The following MGAT5 variants were observed in gnomAD, a reference collection of about 807,000 sequenced individuals.
MGAT5 encodes alpha-1,6-mannosylglycoprotein 6-beta-N-acetylglucosaminyltransferase A.
In MGAT5, 30 loss-of-function variants were observed where a neutral mutation model predicts 94.3. That is an observed-to-expected ratio of 0.32 (90% CI 0.24 to 0.43). The LOEUF is 0.43. Ranked by LOEUF, MGAT5 falls within the 20% of genes least tolerant of loss-of-function variation. MGAT5 has a pLI of 1.00. For synonymous variants in MGAT5, 310 were observed against 322.9 expected (o/e 0.96, Z 0.43); for missense variants, 691 against 905.5 (o/e 0.76, Z 3.04).
chr2:134,274,306 T>C (rs9677418), intron 2 of MGAT5, among the ~76,000 whole-genome samples: 7,558 of 152,320 alleles, frequency 0.05, 387 homozygotes, highest in East Asian at 0.23. Context: ...TTTCTTCTTA[T>C]AGTTCTTCTT....
chr2:134,169,755 GA>G (rs1688121365), intron 1 of MGAT5, among the ~76,000 whole-genome samples: 1 of 151,974 alleles, frequency 6.6e-6, no homozygotes, highest in African/African-American at 2.4e-5. Flanking sequence ...AAGATTAGTT[GA>G]AAAAAAGGTT....
upstream of MGAT5, among the ~76,000 whole-genome samples, chr2:134,250,845 C>T (rs894171623): frequency 2.0e-5 from 3 of 152,142 alleles, no homozygotes; most frequent in African/African-American, 7.2e-5. Flanking sequence ...ATTTTTTGGC[C>T]ATCTCTTTGC....
At chr2:134,264,964 A>C (rs1416926991) in intron 1 of MGAT5, among the ~76,000 whole-genome samples, 4 of 152,204 alleles carry the variant, frequency 2.6e-5, no homozygotes, top group African/African-American at 7.2e-5. Context: ...TCTGTGCCAT[A>C]GTATCATGGC....
intron 1 of MGAT5, among the ~76,000 whole-genome samples, chr2:134,175,516 G>C (rs1305123400): frequency 6.6e-6 from 1 of 152,118 alleles, no homozygotes; most frequent in African/African-American, 2.4e-5. Context: ...TTTGTTGTTA[G>C]GTCACTGCCA....
At chr2:134,350,985 G>A (rs1573889501) in intron 9 of MGAT5, among the ~76,000 whole-genome samples, 1 of 152,056 alleles carries the variant, frequency 6.6e-6, no homozygotes, top group African/African-American at 2.4e-5. Context: ...CTACCTGAAG[G>A]TGACCCCTGT....
chr2:134,145,212 CTCTGTGTGTGTGTG>C (rs1444872635), intron 1 of MGAT5, among the ~76,000 whole-genome samples: 1 of 113,692 alleles, frequency 8.8e-6, no homozygotes, highest in Non-Finnish European at 1.8e-5. Flanking sequence ...GTGTCTCTCT[CTCTGTGTGTGTGTG>C]TGTGTGTGTG....
intron 8 of MGAT5, 136 bp from the exon 9 acceptor site, chr2:134,349,669 C>T: frequency 1.1e-6 from 1 of 952,098 alleles, no homozygotes; most frequent in East Asian, 2.5e-5. Flanking sequence ...TAAAACATCA[C>T]AATTCTTGTC....
chr2:134,123,874 C>T (rs533646307), intron 1 of MGAT5, among the ~76,000 whole-genome samples: 18 of 152,288 alleles, frequency 1.2e-4, no homozygotes, highest in Admixed American at 7.2e-4. Context: ...TTTTACCAGG[C>T]TGCCTTTAAA....
At chr2:134,422,158 G>GA (rs60327900) in intron 12 of MGAT5, among the ~76,000 whole-genome samples, 47,300 of 151,666 alleles carry the variant, frequency 0.31, 8,915 homozygotes, top group African/African-American at 0.52. Context: ...ACCCTTTGGG[G>GA]AAAAAAAAGA....
chr2:134,437,836 G>A (rs969134176), intron 14 of MGAT5, among the ~76,000 whole-genome samples: 4 of 152,074 alleles, frequency 2.6e-5, no homozygotes, highest in South Asian at 2.1e-4. Flanking sequence ...CAAACATGGC[G>A]AAACCCCGTC....
chr2:134,427,165 T>C (rs759227962), intron 13 of MGAT5, among the ~76,000 whole-genome samples: 1 of 152,198 alleles, frequency 6.6e-6, no homozygotes, highest in Admixed American at 6.5e-5. Flanking sequence ...GCTTCAATTA[T>C]AGAAGTTTTG....
intron 14 of MGAT5, among the ~76,000 whole-genome samples, chr2:134,433,833 CTTTTT>C (rs11307289): frequency 7.3e-6 from 1 of 137,620 alleles, no homozygotes; most frequent in African/African-American, 2.7e-5. Flanking sequence ...GTCCTACCAA[CTTTTT>C]TTTTTTTTTT....
At chr2:134,353,555 G>A (rs1679531184) in intron 9 of MGAT5, among the ~76,000 whole-genome samples, 1 of 152,216 alleles carries the variant, frequency 6.6e-6, no homozygotes, top group African/African-American at 2.4e-5. Flanking sequence ...AAAGTAAAGT[G>A]AAAGAATTCA....
At position 134,454,350 on chromosome 2, in the gene MGAT5, G is replaced by T. The variant is rs1686259292; in HGVS notation, c.*5503G>T. 2.0e-5 allele frequency: 3 copies of T among 152,228 alleles called. No individual in the cohort carries two copies. The South Asian group carries it at 6.2e-4, about 31-fold the overall frequency. The allele number at this position is 152,228 out of a possible 1,614,324, so 9.4% of individuals were successfully genotyped here. On this transcript the variant is annotated 3_prime_UTR_variant, in exon 16 of 16. Transcript: ENST00000281923. ...AAGTATTAATAGCATAATAGTTGAT[G>T]CCAAAGGAGATGGTGACGTCCCTTC...
At chr2:134,273,539 G>T (rs2105660864) in intron 2 of MGAT5, among the ~76,000 whole-genome samples, 1 of 152,082 alleles carries the variant, frequency 6.6e-6, no homozygotes, top group Middle Eastern at 3.4e-3. Flanking sequence ...ATATCTTCTG[G>T]TTGGCTATAA....
chr2:134,357,281 C>T (rs1334937201), intron 9 of MGAT5, among the ~76,000 whole-genome samples: 1 of 152,198 alleles, frequency 6.6e-6, no homozygotes, highest in Admixed American at 6.5e-5. Context: ...AGGGAACTTA[C>T]TCACATTTTT....
At chr2:134,164,299 T>C (rs1687866396) in intron 1 of MGAT5, among the ~76,000 whole-genome samples, 1 of 152,208 alleles carries the variant, frequency 6.6e-6, no homozygotes, top group African/African-American at 2.4e-5. Flanking sequence ...TTATTCCAAC[T>C]TTCAGTGAAG....
At position 134,451,883 on chromosome 2, in the gene MGAT5, A is replaced by G. The variant is rs1025295034; in HGVS notation, c.*3036A>G. 1 of 152,220 alleles carries G rather than the reference A, an allele frequency of 6.6e-6. No homozygotes were observed. The highest frequency in any genetic ancestry group is 2.4e-5 in the African/African-American group (1 of 41,470). The allele number at this position is 152,220 out of a possible 1,614,324, so 9.4% of individuals were successfully genotyped here. On this transcript the variant is annotated 3_prime_UTR_variant, in exon 16 of 16. Coordinates refer to ENST00000281923, the MANE Select transcript of MGAT5 (RefSeq NM_002410.5). ...TGCAGTTTGATTTGCACATGTATAA[A>G]TGGAGATGCTTTTCATTTTTGTTTG...
chr2:134,360,673 G>T (rs1009160585), intron 9 of MGAT5, among the ~76,000 whole-genome samples: 1 of 152,176 alleles, frequency 6.6e-6, no homozygotes, highest in Admixed American at 6.5e-5. Context: ...CACAGGTTTT[G>T]TTCCTCTCCC....
Sources: allele counts gnomAD v4.1 joint callset (sites outside exome capture counted in the v4.1 genomes callset), GRCh38; gene constraint gnomAD v4.1.1; transcripts MANE v1.5; gene names NCBI Gene and HGNC (gene_info 2026-07-23, HGNC 2026-07-21).